The following GSE1 variants were observed in gnomAD, a reference collection of about 807,000 sequenced individuals.
GSE1 encodes Gse1 coiled-coil protein, also known as genetic suppressor element 1.
GSE1 carries 32 observed loss-of-function variants against 112.6 expected under a neutral mutation model. The ratio of observed to expected loss-of-function variants is 0.28; its 90% confidence interval spans 0.21 to 0.38. The LOEUF is 0.38. Ranked by LOEUF, GSE1 falls within the 10% of genes least tolerant of loss-of-function variation. The pLI is 1.00. For missense variants in GSE1, 2,348 were observed against 1,699.2 expected (o/e 1.38, Z -6.71); for synonymous variants, 1,115 against 735.6 (o/e 1.52, Z -8.35).
At chr16:85,486,806 C>A (rs1159074265) in intron 2 of GSE1, among the ~76,000 whole-genome samples, 1 of 152,180 alleles carries the variant, frequency 6.6e-6, no homozygotes, top group Non-Finnish European at 1.5e-5. Flanking sequence ...TGAGAAGAGC[C>A]CTCTCCCTCC....
At chr16:85,651,911 T>C (rs73253210) in intron 3 of GSE1, among the ~76,000 whole-genome samples, 11,420 of 152,242 alleles carry the variant, frequency 0.075, 1,100 homozygotes, top group African/African-American at 0.22. Context: ...CACTCCGTCT[T>C]GTTAAGTCCA....
chr16:85,481,666 G>A (rs1057064496), intron 2 of GSE1, among the ~76,000 whole-genome samples: 2 of 152,200 alleles, frequency 1.3e-5, no homozygotes, highest in Admixed American at 6.5e-5. Context: ...CGAGCAGGTG[G>A]ACACAGGGCC....
At chr16:85,567,154 G>C (rs909515326) in intron 1 of GSE1, among the ~76,000 whole-genome samples, 4 of 151,294 alleles carry the variant, frequency 2.6e-5, no homozygotes, top group Admixed American at 2.6e-4. Flanking sequence ...ACTCACCACA[G>C]GGTGCCGGCC....
At chr16:85,486,839 G>A (rs748301521) in intron 2 of GSE1, among the ~76,000 whole-genome samples, 1 of 152,236 alleles carries the variant, frequency 6.6e-6, no homozygotes, top group Non-Finnish European at 1.5e-5. Context: ...CTGGGGCCTC[G>A]CCGGTGCCTG....
At chr16:85,633,197 G>A (rs183343645) in intron 1 of GSE1, among the ~76,000 whole-genome samples, 14 of 152,182 alleles carry the variant, frequency 9.2e-5, no homozygotes, top group Non-Finnish European at 1.5e-4. Flanking sequence ...GCCACAGTGG[G>A]GTCTGCAGTG....
intron 1 of GSE1, among the ~76,000 whole-genome samples, chr16:85,344,027 T>C (rs191415785): frequency 1.3e-5 from 2 of 152,272 alleles, no homozygotes; most frequent in African/African-American, 4.8e-5. Flanking sequence ...GCTCCTTACA[T>C]AACTCAGATA....
intron 1 of GSE1, among the ~76,000 whole-genome samples, chr16:85,210,560 G>T (rs563929569): frequency 6.6e-6 from 1 of 152,252 alleles, no homozygotes; most frequent in East Asian, 1.9e-4. Context: ...CTGTGCTCCA[G>T]CCTGGGCAAC....
At chr16:85,393,139 C>G (rs879413710) in intron 2 of GSE1, among the ~76,000 whole-genome samples, 1 of 152,168 alleles carries the variant, frequency 6.6e-6, no homozygotes, top group Admixed American at 6.5e-5. Flanking sequence ...CACGGTGGTG[C>G]GCACTTGTAA....
chr16:85,408,226 C>G (rs1338297060), intron 2 of GSE1, among the ~76,000 whole-genome samples: 3 of 9,792 alleles, frequency 3.1e-4, no homozygotes, highest in Non-Finnish European at 1.9e-4. Flanking sequence ...ACTCTCAGGC[C>G]CCCCTGGATA....
chr16:85,574,846 G>T lies in GSE1; in HGVS notation c.37+18483G>T, dbSNP rs139933815. 6.0e-3 allele frequency among the ~76,000 whole-genome samples: 911 copies of T among 152,322 alleles called. 9 individuals are homozygous for T. The highest frequency in any genetic ancestry group is 0.021 in the African/African-American group (854 of 41,576). ...CAGGCATCGGTCACGGACCCTTGGG[G>T]GCTCCCTGCTGGAGCCTGCCCTGGT... is the stretch of plus-strand genomic sequence containing the variant. On this transcript the variant is annotated intron_variant, in intron 1 of 2. Coordinates refer to the GSE1 transcript ENST00000635906.
rs1299265149 is a variant in GSE1 at position 85,632,358 on chromosome 16, G to T, written c.8-1556G>T. Among the ~76,000 whole-genome samples, 5 of 151,962 alleles carry T rather than the reference G, an allele frequency of 3.3e-5. No individual in the cohort carries two copies. In the East Asian group the frequency reaches 9.7e-4, roughly 29 times the overall value. On this transcript the variant is annotated intron_variant, in intron 1 of 15. Transcript: ENST00000253458. ...CCGCCTCTCTGTTCTCTCATTTGCA[G>T]CCCCCTCTCTCAGGCAGTGCCCCCA...
chr16:85,321,161 T>G (rs77290305), intron 1 of GSE1, among the ~76,000 whole-genome samples: 2,653 of 152,292 alleles, frequency 0.017, 82 homozygotes, highest in African/African-American at 0.06. Flanking sequence ...CTTCTGCCGG[T>G]GTCCTAGAAC....
At chr16:85,542,591 G>A (rs1238238358) in intron 2 of GSE1, among the ~76,000 whole-genome samples, 1 of 152,268 alleles carries the variant, frequency 6.6e-6, no homozygotes. Context: ...CAACCGGAAA[G>A]GCTGTCTTTG....
At chr16:85,223,060 C>A (rs1862892694) in intron 1 of GSE1, among the ~76,000 whole-genome samples, 1 of 152,168 alleles carries the variant, frequency 6.6e-6, no homozygotes, top group African/African-American at 2.4e-5. Context: ...AGGAGAGGCT[C>A]TGTTCTCAGG....
intron 1 of GSE1, among the ~76,000 whole-genome samples, chr16:85,617,213 C>T (rs539106754): frequency 2.7e-4 from 41 of 152,224 alleles, no homozygotes; most frequent in Non-Finnish European, 4.8e-4. Flanking sequence ...ATGCCCACCC[C>T]GTGTCTGGAA....
intron 2 of GSE1, among the ~76,000 whole-genome samples, chr16:85,440,464 C>A (rs940854391): frequency 6.6e-6 from 1 of 152,200 alleles, no homozygotes; most frequent in Non-Finnish European, 1.5e-5. Flanking sequence ...CTGAGATGAA[C>A]CTGCTGCAGC....
chr16:85,313,918 C>G (rs977095445), intron 1 of GSE1, among the ~76,000 whole-genome samples: 12 of 149,178 alleles, frequency 8.0e-5, no homozygotes, highest in Admixed American at 2.0e-4. Flanking sequence ...GTCTGAGCCT[C>G]TGTGTGTGTG....
At chr16:85,349,478 C>T (rs1486600620) in intron 1 of GSE1, among the ~76,000 whole-genome samples, 2 of 152,048 alleles carry the variant, frequency 1.3e-5, no homozygotes, top group African/African-American at 4.8e-5. Context: ...TCCATGTTCC[C>T]TTCTCTCCCT....
At chr16:85,650,424 C>T (rs1275776154) in intron 3 of GSE1, among the ~76,000 whole-genome samples, 13 of 152,172 alleles carry the variant, frequency 8.5e-5, no homozygotes, top group Admixed American at 5.9e-4. Context: ...CAGCCTGGAC[C>T]AGGAGCTTCT....
Sources: allele counts gnomAD v4.1 joint callset (sites outside exome capture counted in the v4.1 genomes callset), GRCh38; gene constraint gnomAD v4.1.1; transcripts MANE v1.5; gene names NCBI Gene and HGNC (gene_info 2026-07-23, HGNC 2026-07-21).